BICD1: variants seen among roughly 807,000 people sequenced by gnomAD.
BICD1 encodes BICD cargo adaptor 1.
A neutral mutation model predicts 92.5 loss-of-function variants in BICD1; 35 were observed. That is an observed-to-expected ratio of 0.38 (90% confidence interval 0.29 to 0.50). The LOEUF (loss-of-function observed/expected upper bound fraction) is 0.50. BICD1 is among the 20% of genes least tolerant of loss of function. The probability of loss-of-function intolerance (pLI) is 0.93; values close to 1 mark genes in which losing one functional copy is unlikely to be tolerated. For synonymous variants in BICD1, 429 were observed against 465.1 expected (o/e 0.92, Z 1.00); for missense variants, 950 against 1,189.8 (o/e 0.80, Z 2.97).
intron 1 of BICD1, among the ~76,000 whole-genome samples, chr12:32,138,475 T>C (rs1327699026): frequency 6.6e-6 from 1 of 152,258 alleles, no homozygotes; most frequent in African/African-American, 2.4e-5. Flanking sequence ...GTCCCTGACT[T>C]AACGATGGTT....
chr12:32,366,380 G>C (rs1251175629), intron 8 of BICD1, among the ~76,000 whole-genome samples: 1 of 152,238 alleles, frequency 6.6e-6, no homozygotes, highest in African/African-American at 2.4e-5. Context: ...AGCACTTTGG[G>C]AGGCCGAGGC....
At chr12:32,129,890 C>G (rs1942478824) in intron 1 of BICD1, among the ~76,000 whole-genome samples, 1 of 151,942 alleles carries the variant, frequency 6.6e-6, no homozygotes, top group Non-Finnish European at 1.5e-5. Context: ...AAGCAAGATA[C>G]AAAACTTAGA....
At chr12:32,285,377 CAG>C (rs768094707) in intron 2 of BICD1, among the ~76,000 whole-genome samples, 12 of 152,048 alleles carry the variant, frequency 7.9e-5, no homozygotes, top group African/African-American at 2.2e-4. Context: ...AGATAGTAAA[CAG>C]GGGTTTGTTA....
chr12:32,287,540 T>TG (rs1947603463), intron 2 of BICD1, among the ~76,000 whole-genome samples: 3 of 129,914 alleles, frequency 2.3e-5, no homozygotes, highest in African/African-American at 7.6e-5. Flanking sequence ...TGTTTTTTTT[T>TG]TTGTTTTTTT....
rs553531643 is a variant in BICD1 at position 32,308,935 on chromosome 12, C to G, written c.1005+2813C>G. Among the ~76,000 whole-genome samples the G allele has an allele frequency of 5.9e-5, 9 of 152,264 alleles. No homozygotes were observed. The South Asian group carries it at 1.5e-3, about 25-fold the overall frequency. ...CAACACAGGAAGGGCTTTGCAGCTTCCAATCTCATACTAACAACACTAACT... is the reference window on the plus strand; with the variant it reads ...CAACACAGGAAGGGCTTTGCAGCTTGCAATCTCATACTAACAACACTAACT... On this transcript the variant is annotated intron_variant, in intron 4 of 9. Transcript: ENST00000652176.
At chr12:32,299,525 T>G (rs1947973939) in intron 3 of BICD1, among the ~76,000 whole-genome samples, 1 of 152,120 alleles carries the variant, frequency 6.6e-6, no homozygotes, top group Non-Finnish European at 1.5e-5. Flanking sequence ...TAGTAGGAGC[T>G]TGTACCACAT....
intron 2 of BICD1, among the ~76,000 whole-genome samples, chr12:32,252,110 A>C (rs1239624): frequency 1.6e-5 from 1 of 63,410 alleles, no homozygotes; most frequent in Non-Finnish European, 4.0e-5. Context: ...AATAAATATT[A>C]TATATTATAT....
rs971676498 is a variant in BICD1 at position 32,380,952 on chromosome 12, C to G, written c.*3325C>G. The G allele has an allele frequency of 6.6e-6, 1 of 151,840 alleles. No homozygotes were observed. Among genetic ancestry groups the G allele is most frequent in the Non-Finnish European group, 1.5e-5 (1 of 67,918 alleles). The allele number at this position is 151,840 out of a possible 1,614,324, so 9.4% of individuals were successfully genotyped here. ...GAGATTTTTAACACTGGGAAATTAACGTGGAAATTGATAATCATAAAGAAT... is the reference window on the plus strand; with the variant it reads ...GAGATTTTTAACACTGGGAAATTAAGGTGGAAATTGATAATCATAAAGAAT... On this transcript the variant is annotated 3_prime_UTR_variant, in exon 10 of 10. Transcript: ENST00000652176.
intron 1 of BICD1, among the ~76,000 whole-genome samples, chr12:32,110,849 AG>A (rs1323355554): frequency 1.2e-5 from 1 of 85,524 alleles, no homozygotes; most frequent in African/African-American, 4.7e-5. Flanking sequence ...GGGTGGGGGG[AG>A]GGGGGATGGA....
intron 2 of BICD1, among the ~76,000 whole-genome samples, chr12:32,225,927 A>C (rs1320590897): frequency 6.6e-6 from 1 of 151,798 alleles, no homozygotes; most frequent in African/African-American, 2.4e-5. Flanking sequence ...TGGCCTTGAC[A>C]GTATTTTTAA....
chr12:32,323,664 G>C (rs983035433), intron 4 of BICD1, among the ~76,000 whole-genome samples: 3 of 152,160 alleles, frequency 2.0e-5, no homozygotes, highest in African/African-American at 7.2e-5. Context: ...TAAAATCAGA[G>C]CTACAACTTA....
chr12:32,335,791 C>T (rs913117477), intron 6 of BICD1, among the ~76,000 whole-genome samples: 1 of 151,332 alleles, frequency 6.6e-6, no homozygotes, highest in East Asian at 2.0e-4. Flanking sequence ...CGCCATGTTG[C>T]CCAGGCTGGT....
intron 2 of BICD1, among the ~76,000 whole-genome samples, chr12:32,290,361 T>C (rs1258964775): frequency 6.6e-6 from 1 of 152,238 alleles, no homozygotes; most frequent in African/African-American, 2.4e-5. Context: ...AAAAATCTTC[T>C]GATGCCAAAA....
At chr12:32,282,322 G>C (rs1488206261) in intron 2 of BICD1, among the ~76,000 whole-genome samples, 2 of 145,300 alleles carry the variant, frequency 1.4e-5, no homozygotes, top group Non-Finnish European at 3.0e-5. Context: ...CTGGACTCAA[G>C]TGATCCTCCC....
chr12:32,286,627 T>G (rs145603615), intron 2 of BICD1, among the ~76,000 whole-genome samples: 1 of 152,280 alleles, frequency 6.6e-6, no homozygotes, highest in Non-Finnish European at 1.5e-5. Flanking sequence ...GTCAAGTTAT[T>G]TTGAAGATTT....
At chr12:32,159,212 C>T (rs536144448) in intron 1 of BICD1, among the ~76,000 whole-genome samples, 31 of 152,218 alleles carry the variant, frequency 2.0e-4, no homozygotes, top group African/African-American at 6.5e-4. Context: ...GATTTACAGG[C>T]GTGAGCCACC....
chr12:32,345,523 C>T (rs1378830031), intron 8 of BICD1, among the ~76,000 whole-genome samples: 2 of 152,044 alleles, frequency 1.3e-5, no homozygotes, highest in Non-Finnish European at 2.9e-5. Flanking sequence ...TATATAAAAA[C>T]ATATGCATTT....
At position 32,328,236 on chromosome 12, in the gene BICD1, C is replaced by T. The variant is rs748485099; in HGVS notation, c.1781C>T (p.Pro594Leu). Residue 594 changes from proline (P) to leucine (L), a missense_variant, in exon 5 of 10, where the codon CCA (proline) becomes CTA (leucine). By Grantham distance (98) the Pro-to-Leu change is moderately conservative. This residue lies in a region of BICD1 where 309 missense variants were observed against 499.4 expected (regional missense o/e 0.62). Coordinates refer to ENST00000652176, the MANE Select transcript of BICD1 (RefSeq NM_001714.4). The surrounding 1 kb of genome is among the most constrained non-coding windows in gnomAD (Gnocchi z 4.4). Reference protein sequence around the residue: ...ESTEASKEPSPTKTPTISPVI... With the variant: ...ESTEASKEPSLTKTPTISPVI... Reference sequence around the variant, plus strand: ...ACAGAGGCCAGCAAAGAACCAAGTCCAACTAAGACCCCCACAATCTCTCCT... The same window carrying T: ...ACAGAGGCCAGCAAAGAACCAAGTCTAACTAAGACCCCCACAATCTCTCCT... 3 of 1,614,170 alleles carry T rather than the reference C, an allele frequency of 1.9e-6. No individual in the cohort carries two copies. The highest frequency in any genetic ancestry group is 1.1e-5 in the South Asian group (1 of 91,080).
chr12:32,195,581 A>G (rs1944703768), intron 1 of BICD1, among the ~76,000 whole-genome samples: 2 of 152,254 alleles, frequency 1.3e-5, no homozygotes, highest in Admixed American at 1.3e-4. Context: ...ATCTATATGC[A>G]AAAGATTGAA....
Sources: gnomAD v4.1 joint callset for allele counts (sites outside exome capture counted in the v4.1 genomes callset) on GRCh38, gnomAD v4.1.1 for gene constraint, gnomAD v4.1.1 regional missense constraint, Gnocchi (gnomAD v3.1) non-coding constraint, MANE v1.5 for transcripts, NCBI Gene and HGNC (gene_info 2026-07-23, HGNC 2026-07-21) for gene names.